The following FSTL4 variants were observed in gnomAD, a reference collection of about 807,000 sequenced individuals.
FSTL4 encodes follistatin like 4.
In FSTL4, 28 loss-of-function variants were observed where a neutral mutation model predicts 78.2. The ratio of observed to expected loss-of-function variants is 0.36; its 90% CI spans 0.27 to 0.49. The LOEUF (loss-of-function observed/expected upper bound fraction) is 0.49. Ranked by LOEUF, FSTL4 falls within the 20% of genes least tolerant of loss-of-function variation. FSTL4 has a pLI of 0.98. For synonymous variants in FSTL4, 422 were observed against 440.5 expected (o/e 0.96, Z 0.53); for missense variants, 922 against 1,084.9 (o/e 0.85, Z 2.11).
At chr5:133,413,556 T>C (rs1481966886) in intron 3 of FSTL4, among the ~76,000 whole-genome samples, 1 of 152,236 alleles carries the variant, frequency 6.6e-6, no homozygotes, top group African/African-American at 2.4e-5. Flanking sequence ...TCAGGTTTCC[T>C]GAAAGTGAGG....
At chr5:133,221,901 T>TGTTG (rs1199798892) in intron 11 of FSTL4, among the ~76,000 whole-genome samples, 2 of 99,176 alleles carry the variant, frequency 2.0e-5, no homozygotes, top group Admixed American at 8.9e-5. Context: ...GTTTTTTTTT[T>TGTTG]TTTTTTTTTT....
At chr5:133,803,244 G>A in the FSTL4 span, among the ~76,000 whole-genome samples, 12 of 152,160 alleles carry the variant, frequency 7.9e-5, no homozygotes, top group Non-Finnish European at 1.3e-4. Flanking sequence ...AATGAATATA[G>A]CTTTCTTCCT....
At chr5:133,238,852 G>A (rs1291266792) in intron 7 of FSTL4, among the ~76,000 whole-genome samples, 8 of 152,208 alleles carry the variant, frequency 5.3e-5, no homozygotes, top group African/African-American at 9.6e-5. Flanking sequence ...GCCCTTGCTC[G>A]CTCTCGGAGC....
chr5:133,299,697 C>T (rs1474383036), intron 6 of FSTL4, among the ~76,000 whole-genome samples: 1 of 152,160 alleles, frequency 6.6e-6, no homozygotes, highest in African/African-American at 2.4e-5. Flanking sequence ...CAGCAGAAGC[C>T]AGAGCTCCCT....
rs560926626 is a variant in FSTL4, at chr5:133,355,587, C to T, written c.410-38935G>A. ...AGGAGAATTGCTTGAACCTGGGAGGCGGAGGTTGTGGTGAGTCGAGATCGT... is the reference window on the plus strand; with the variant it reads ...AGGAGAATTGCTTGAACCTGGGAGGTGGAGGTTGTGGTGAGTCGAGATCGT... On this transcript the variant is annotated intron_variant, in intron 4 of 15. Transcript: ENST00000265342. Among the ~76,000 whole-genome samples the T allele has an allele frequency of 3.8e-3, 577 of 152,216 alleles. 2 individuals carry two copies. The highest frequency in any genetic ancestry group is 6.5e-3 in the Non-Finnish European group (444 of 68,024).
the FSTL4 span, among the ~76,000 whole-genome samples, chr5:133,711,713 G>A: frequency 6.6e-6 from 1 of 152,160 alleles, no homozygotes; most frequent in Non-Finnish European, 1.5e-5. Flanking sequence ...GACTCTTTGG[G>A]AAAACACAAA....
At chr5:133,420,000 G>A (rs1313116777) in intron 3 of FSTL4, among the ~76,000 whole-genome samples, 7 of 152,140 alleles carry the variant, frequency 4.6e-5, no homozygotes, top group Admixed American at 1.3e-4. Context: ...AAATGGAAAC[G>A]AACCTAATGT....
At chr5:133,274,779 TA>T (rs1752844200) in intron 6 of FSTL4, among the ~76,000 whole-genome samples, 1 of 152,220 alleles carries the variant, frequency 6.6e-6, no homozygotes, top group Non-Finnish European at 1.5e-5. Context: ...AATGGGAAGA[TA>T]AAACTGTCAT....
chr5:133,514,826 A>C (rs1347796508), intron 3 of FSTL4, among the ~76,000 whole-genome samples: 1 of 152,232 alleles, frequency 6.6e-6, no homozygotes, highest in African/African-American at 2.4e-5. Flanking sequence ...TGGAATACAA[A>C]ATACTGGAAG....
chr5:133,356,588 C>A (rs1754949403), intron 4 of FSTL4, among the ~76,000 whole-genome samples: 1 of 152,154 alleles, frequency 6.6e-6, no homozygotes, highest in South Asian at 2.1e-4. Flanking sequence ...GGACTGGTTA[C>A]CAGAGAGGCC....
chr5:133,391,925 A>G (rs1755860043), intron 4 of FSTL4, among the ~76,000 whole-genome samples: 2 of 152,102 alleles, frequency 1.3e-5, no homozygotes, highest in South Asian at 4.1e-4. Flanking sequence ...TTTCTCCCAC[A>G]AGACTGTACC....
intron 3 of FSTL4, among the ~76,000 whole-genome samples, chr5:133,456,960 A>G (rs917272471): frequency 2.0e-5 from 3 of 152,138 alleles, no homozygotes; most frequent in Non-Finnish European, 4.4e-5. Flanking sequence ...TCAGATCTCT[A>G]CACAGTACAG....
At chr5:133,332,225 G>A (rs1754365802) in intron 4 of FSTL4, among the ~76,000 whole-genome samples, 1 of 152,216 alleles carries the variant, frequency 6.6e-6, no homozygotes, top group Non-Finnish European at 1.5e-5. Context: ...TGAACACCGG[G>A]AAAGGAGCGA....
intron 3 of FSTL4, among the ~76,000 whole-genome samples, chr5:133,535,436 A>G (rs776068694): frequency 2.6e-5 from 4 of 152,272 alleles, no homozygotes; most frequent in Non-Finnish European, 2.9e-5. Flanking sequence ...TAAGCCACAA[A>G]CAAAAGCCTG....
the FSTL4 span, among the ~76,000 whole-genome samples, chr5:133,655,581 G>A: frequency 6.6e-6 from 1 of 152,148 alleles, no homozygotes; most frequent in Non-Finnish European, 1.5e-5. Flanking sequence ...TAGGAACTGG[G>A]GATGTATTGG....
intron 3 of FSTL4, among the ~76,000 whole-genome samples, chr5:133,476,851 A>G (rs1333429374): frequency 1.3e-5 from 2 of 152,196 alleles, no homozygotes; most frequent in Non-Finnish European, 2.9e-5. Context: ...ATATACATAT[A>G]TGGTGGTCAT....
the FSTL4 span, among the ~76,000 whole-genome samples, chr5:133,647,687 G>A: frequency 1.3e-5 from 2 of 152,144 alleles, no homozygotes; most frequent in East Asian, 1.9e-4. Context: ...ATTTCTCATC[G>A]GAAATCCAGA....
chr5:133,509,815 G>A (rs1398961008), intron 3 of FSTL4, among the ~76,000 whole-genome samples: 1 of 152,258 alleles, frequency 6.6e-6, no homozygotes, highest in African/African-American at 2.4e-5. Flanking sequence ...CAGGCAGTGT[G>A]ACAGCTCTGT....
chr5:133,311,942 C>G (rs1753794870), intron 6 of FSTL4, among the ~76,000 whole-genome samples: 2 of 152,218 alleles, frequency 1.3e-5, no homozygotes, highest in South Asian at 4.1e-4. Flanking sequence ...TCTGCTGACC[C>G]CTGCCTGGAG....
Sources: allele counts gnomAD v4.1 joint callset (sites outside exome capture counted in the v4.1 genomes callset), GRCh38; gene constraint gnomAD v4.1.1; transcripts MANE v1.5; gene names NCBI Gene and HGNC (gene_info 2026-07-23, HGNC 2026-07-21).